Variants in VGLL4 observed in about 807,000 individuals in gnomAD.
VGLL4 encodes the protein transcription cofactor vestigial-like protein 4.
VGLL4 carries 7 observed loss-of-function variants against 21.0 expected under a neutral mutation model. The ratio of observed to expected loss-of-function variants is 0.33; its 90% CI spans 0.19 to 0.63. The LOEUF is 0.63. Ranked by LOEUF, VGLL4 falls within the 20% of genes least tolerant of loss-of-function variation. The pLI is 0.78. For synonymous variants in VGLL4, 222 were observed against 173.2 expected, an observed-to-expected ratio of 1.28 and a Z score of -2.21; for missense variants, 394 against 425.7, an observed-to-expected ratio of 0.93 and a Z score of 0.66.
At chr3:11,628,084 A>T (rs2075392403) in intron 1 of VGLL4, among the ~76,000 whole-genome samples, 1 of 152,236 alleles carries the variant, frequency 6.6e-6, no homozygotes, top group African/African-American at 2.4e-5. Flanking sequence ...ATACAACATA[A>T]ATATGTATTA....
intron 1 of VGLL4, among the ~76,000 whole-genome samples, chr3:11,620,192 A>G (rs1380466325): frequency 6.6e-6 from 1 of 152,222 alleles, no homozygotes; most frequent in Non-Finnish European, 1.5e-5. Flanking sequence ...ATGGTCACCA[A>G]AAGTGGCTCA....
At chr3:11,700,637 T>C (rs1368350159) in intron 2 of VGLL4, among the ~76,000 whole-genome samples, 2 of 152,120 alleles carry the variant, frequency 1.3e-5, no homozygotes, top group Admixed American at 6.5e-5. Flanking sequence ...ATTGCTTAGG[T>C]ACCACATTTT....
chr3:11,636,694 C>G (rs2075594430), intron 1 of VGLL4, among the ~76,000 whole-genome samples: 1 of 152,120 alleles, frequency 6.6e-6, no homozygotes, highest in Non-Finnish European at 1.5e-5. Context: ...GAAGTGTCCC[C>G]CATGTTGCAT....
chr3:11,666,676 A>T (rs908445049), intron 2 of VGLL4, among the ~76,000 whole-genome samples: 2 of 152,206 alleles, frequency 1.3e-5, no homozygotes, highest in African/African-American at 4.8e-5. Context: ...GCATATCTGG[A>T]CATAATTACT....
chr3:11,713,897 C>T (rs1168239475), intron 1 of VGLL4, among the ~76,000 whole-genome samples: 1 of 152,102 alleles, frequency 6.6e-6, no homozygotes, highest in Non-Finnish European at 1.5e-5. Context: ...CTCTGCTCAA[C>T]CACTCAAGGT....
At chr3:11,629,957 G>A (rs2075440980) in intron 1 of VGLL4, among the ~76,000 whole-genome samples, 1 of 152,064 alleles carries the variant, frequency 6.6e-6, no homozygotes, top group Admixed American at 6.6e-5. Flanking sequence ...ATAAAGCAAA[G>A]CTATACTAAG....
intron 2 of VGLL4, among the ~76,000 whole-genome samples, chr3:11,592,845 C>T (rs2074535115): frequency 6.6e-6 from 1 of 152,112 alleles, no homozygotes; most frequent in Non-Finnish European, 1.5e-5. Context: ...GAGGATAAAA[C>T]GATCGTGCCC....
intron 2 of VGLL4, among the ~76,000 whole-genome samples, chr3:11,575,940 G>A (rs1225336981): frequency 6.6e-6 from 1 of 152,228 alleles, no homozygotes; most frequent in Non-Finnish European, 1.5e-5. Context: ...GCAGCGCGGA[G>A]CCCGTCCAGG....
At chr3:11,701,472 A>G (rs1195810808) in intron 2 of VGLL4, among the ~76,000 whole-genome samples, 1 of 152,220 alleles carries the variant, frequency 6.6e-6, no homozygotes, top group African/African-American at 2.4e-5. Flanking sequence ...AAATGGACTA[A>G]GACACATGTT....
chr3:11,592,244 G>A (rs1471059183), intron 2 of VGLL4, among the ~76,000 whole-genome samples: 1 of 152,182 alleles, frequency 6.6e-6, no homozygotes, highest in Non-Finnish European at 1.5e-5. Context: ...GGTTACTATT[G>A]GCTTGGGCCA....
chr3:11,717,263 C>A (rs1270339978), intron 1 of VGLL4, among the ~76,000 whole-genome samples: 4 of 150,898 alleles, frequency 2.7e-5, no homozygotes, highest in Admixed American at 6.6e-5. Context: ...GAGCTTACAA[C>A]TTTTAGTACT....
intron 2 of VGLL4, among the ~76,000 whole-genome samples, chr3:11,678,130 T>G (rs563005866): frequency 6.6e-6 from 1 of 152,002 alleles, no homozygotes; most frequent in South Asian, 2.1e-4. Flanking sequence ...CTCAGCTCAA[T>G]GCAACCTCCC....
At chr3:11,658,597 G>C (rs891552516) in intron 2 of VGLL4, among the ~76,000 whole-genome samples, 1 of 126,236 alleles carries the variant, frequency 7.9e-6, no homozygotes, top group Non-Finnish European at 1.7e-5. Context: ...TTACAAACTA[G>C]GAAGGACACA....
chr3:11,620,376 C>G (rs2075242909), intron 1 of VGLL4, among the ~76,000 whole-genome samples: 1 of 152,078 alleles, frequency 6.6e-6, no homozygotes, highest in Admixed American at 6.5e-5. Flanking sequence ...GTCGGCACAG[C>G]CTGAGGGGGC....
Position 11,703,855 on chromosome 3 carries a change from C to T in VGLL4, c.-13-808G>A, listed in dbSNP as rs373444472. Reference sequence around the variant, plus strand: ...AGACACTTGGAATTTATTCAGCATTCTTCAACACTTATGGAGTACCTACTA... The same window carrying T: ...AGACACTTGGAATTTATTCAGCATTTTTCAACACTTATGGAGTACCTACTA... On this transcript the variant is annotated intron_variant, in intron 1 of 5. Transcript: ENST00000273038. Among the ~76,000 whole-genome samples, 9 of 152,238 alleles carry T rather than the reference C, an allele frequency of 5.9e-5. No homozygotes were observed. In the East Asian group the frequency reaches 9.6e-4, roughly 16 times the overall value.
chr3:11,661,310 T>C (rs1358279699), intron 2 of VGLL4, among the ~76,000 whole-genome samples: 1 of 151,554 alleles, frequency 6.6e-6, no homozygotes, highest in Admixed American at 6.6e-5. Context: ...TCACAGACAA[T>C]GCAAATAAGG....
chr3:11,561,316 A>G (rs2072977409), intron 3 of VGLL4, among the ~76,000 whole-genome samples: 1 of 152,048 alleles, frequency 6.6e-6, no homozygotes, highest in African/African-American at 2.4e-5. Flanking sequence ...CAAGGCAGGA[A>G]AGGCCACTTC....
intron 2 of VGLL4, chr3:11,671,531 A>G (rs879600994): frequency 6.7e-6 from 4 of 594,426 alleles, no homozygotes; most frequent in Non-Finnish European, 1.2e-5. Context: ...TGCAGAGCCC[A>G]CCTGTATGAA....
In VGLL4 at chr3:11,643,911, G is replaced by A; in HGVS notation, c.-393C>T. 2.0e-6 allele frequency: 2 copies of A among 1,014,104 alleles called. No homozygotes were observed. The highest frequency in any genetic ancestry group is 2.4e-6 in the Non-Finnish European group (2 of 847,692). 62.8% of individuals were successfully genotyped at this position (1,014,104 alleles called of 1,614,324 possible). A position where few individuals can be genotyped will look rare whatever the true frequency, so the allele number is the denominator to read the frequency against. ...GCAAGCCGGCAGCGCTGACATGAGG[G>A]CTATGCTTGGCATGACTCCTATGCC... On this transcript the variant is annotated 5_prime_UTR_variant, in exon 1 of 5. Transcript: ENST00000430365.
Sources: allele counts gnomAD v4.1 joint callset (sites outside exome capture counted in the v4.1 genomes callset), GRCh38; gene constraint gnomAD v4.1.1; transcripts MANE v1.5; gene names NCBI Gene and HGNC (gene_info 2026-07-23, HGNC 2026-07-21).